Variants in SPOCK1 observed in about 807,000 individuals in gnomAD.
SPOCK1 encodes the protein testican-1.
A neutral mutation model predicts 55.3 loss-of-function variants in SPOCK1; 23 were observed. The observed-to-expected ratio is 0.42, with a 90% CI of 0.30 to 0.59. The LOEUF is 0.59. Ranked by LOEUF, SPOCK1 falls within the 20% of genes least tolerant of loss-of-function variation. SPOCK1 has a pLI of 0.22. For synonymous variants in SPOCK1, 226 were observed against 221.0 expected (o/e 1.02, Z -0.20); for missense variants, 499 against 552.5 (o/e 0.90, Z 0.97).
chr5:137,107,154 C>T (rs893120926), intron 5 of SPOCK1, among the ~76,000 whole-genome samples: 1 of 152,208 alleles, frequency 6.6e-6, no homozygotes, highest in African/African-American at 2.4e-5. Context: ...CGAAAGGAGA[C>T]TGCTTTTCAA....
At chr5:137,039,400 G>A (rs181403293) in intron 6 of SPOCK1, among the ~76,000 whole-genome samples, 28 of 150,920 alleles carry the variant, frequency 1.9e-4, no homozygotes, top group Non-Finnish European at 4.4e-5. Flanking sequence ...TGATCCTTGA[G>A]GACCTCAATG....
intron 2 of SPOCK1, among the ~76,000 whole-genome samples, chr5:137,271,574 G>A (rs1471333190): frequency 2.9e-5 from 3 of 102,128 alleles, no homozygotes; most frequent in African/African-American, 4.3e-5. Flanking sequence ...GATGATCATA[G>A]CCAACAGCCC....
At chr5:137,381,722 G>A (rs894183112) in intron 2 of SPOCK1, among the ~76,000 whole-genome samples, 2 of 152,332 alleles carry the variant, frequency 1.3e-5, no homozygotes, top group Non-Finnish European at 1.5e-5. Context: ...GCTGGGCCCT[G>A]GGCCTGGCCC....
chr5:137,285,323 A>G lies in SPOCK1; in HGVS notation c.187-18268T>C, dbSNP rs911477605. The stretch of plus-strand genomic sequence containing the variant: ...CACATGCTCAACCACAGCAGCACAG[A>G]TCTTTTGTGTTATTAACATTGTCTC... On this transcript the variant is annotated intron_variant, in intron 2 of 10. Transcript: ENST00000394945. Among the ~76,000 whole-genome samples, 6 of 152,202 alleles carry G rather than the reference A, an allele frequency of 3.9e-5. No individual in the cohort carries two copies. The South Asian group carries it at 1.2e-3, about 32-fold the overall frequency.
chr5:137,413,909 C>G (rs1378122679), intron 2 of SPOCK1, among the ~76,000 whole-genome samples: 1 of 152,084 alleles, frequency 6.6e-6, no homozygotes. Context: ...TTTCCTCAGC[C>G]CCACACGCAC....
At chr5:137,281,108 T>C (rs1404270594) in intron 2 of SPOCK1, among the ~76,000 whole-genome samples, 1 of 152,242 alleles carries the variant, frequency 6.6e-6, no homozygotes. Flanking sequence ...CTTAAATTCA[T>C]ATATTATCTA....
At chr5:137,423,279 G>A (rs7724781) in intron 2 of SPOCK1, among the ~76,000 whole-genome samples, 3 of 152,166 alleles carry the variant, frequency 2.0e-5, no homozygotes, top group Non-Finnish European at 4.4e-5. Flanking sequence ...ATCTCCAGCT[G>A]CATTCTGGGA....
intron 3 of SPOCK1, among the ~76,000 whole-genome samples, chr5:137,149,056 A>G (rs1001557622): frequency 6.6e-6 from 1 of 152,336 alleles, no homozygotes; most frequent in East Asian, 1.9e-4. Flanking sequence ...ATAAGCTTGT[A>G]TTACTTTTAT....
chr5:137,293,703 G>A (rs1353277599), intron 2 of SPOCK1, among the ~76,000 whole-genome samples: 3 of 152,190 alleles, frequency 2.0e-5, no homozygotes, highest in Non-Finnish European at 2.9e-5. Flanking sequence ...CTTGCTGTAG[G>A]GCAGCGCCAT....
At chr5:137,338,024 T>TTTA (rs373236089) in intron 2 of SPOCK1, among the ~76,000 whole-genome samples, 57 of 152,214 alleles carry the variant, frequency 3.7e-4, no homozygotes, top group African/African-American at 1.2e-3. Context: ...GTATTATTTT[T>TTTA]TTATTATTAT....
chr5:137,323,866 T>C (rs532944899), intron 2 of SPOCK1, among the ~76,000 whole-genome samples: 2 of 152,254 alleles, frequency 1.3e-5, no homozygotes, highest in South Asian at 2.1e-4. Flanking sequence ...ATCTCTCACA[T>C]ATTATCAGAT....
chr5:136,975,615 C>T lies in SPOCK1; in HGVS notation c.*3039G>A, dbSNP rs540115018. On this transcript the variant is annotated 3_prime_UTR_variant, in exon 11 of 11. Transcript: ENST00000394945. ...TGGGCTCTTGGATGTTACTGTACAG[C>T]GTGGTCAAGGTAACAAGAAGAAAAA... The T allele has an allele frequency of 1.3e-5, 2 of 152,002 alleles. No individual in the cohort carries two copies. The highest frequency in any genetic ancestry group is 6.6e-5 in the Admixed American group (1 of 15,252). The allele number at this position is 152,002 out of a possible 1,614,324, so 9.4% of individuals were successfully genotyped here.
intron 3 of SPOCK1, among the ~76,000 whole-genome samples, chr5:137,143,723 T>C (rs531673240): frequency 1.7e-4 from 26 of 152,310 alleles, no homozygotes; most frequent in African/African-American, 5.5e-4. Context: ...CAAAGAACCA[T>C]AGTTAACACT....
At chr5:137,355,876 G>T (rs531381135) in intron 2 of SPOCK1, among the ~76,000 whole-genome samples, 3 of 152,242 alleles carry the variant, frequency 2.0e-5, no homozygotes, top group African/African-American at 7.2e-5. Flanking sequence ...GCTGAACACC[G>T]CAGGCCCAGT....
At chr5:137,009,021 C>CA (rs1178133671) in intron 6 of SPOCK1, among the ~76,000 whole-genome samples, 3 of 152,114 alleles carry the variant, frequency 2.0e-5, no homozygotes, top group African/African-American at 7.2e-5. Context: ...GGAAAAATAA[C>CA]AGAGATGATA....
chr5:137,462,409 G>A lies in SPOCK1; in HGVS notation c.186+35964C>T, dbSNP rs1023842526. 3.3e-5 allele frequency among the ~76,000 whole-genome samples: 5 copies of A among 152,124 alleles called. No individual in the cohort carries two copies. The East Asian group carries it at 5.8e-4, about 18-fold the overall frequency. ...CAGACAAGGCCATGGCTCACACTCCGAGGTGAGAAAGGTTTCCAAGGTCAG... is the reference window on the plus strand; with the variant it reads ...CAGACAAGGCCATGGCTCACACTCCAAGGTGAGAAAGGTTTCCAAGGTCAG... On this transcript the variant is annotated intron_variant, in intron 2 of 10. Coordinates refer to ENST00000394945, the MANE Select transcript of SPOCK1 (RefSeq NM_004598.4).
intron 2 of SPOCK1, among the ~76,000 whole-genome samples, chr5:137,496,649 A>G (rs979947492): frequency 1.3e-5 from 2 of 152,192 alleles, no homozygotes; most frequent in Non-Finnish European, 2.9e-5. Flanking sequence ...AAACAAAACA[A>G]AAAGCAAAAT....
intron 6 of SPOCK1, among the ~76,000 whole-genome samples, chr5:137,014,033 G>A (rs1751402162): frequency 6.6e-6 from 1 of 152,160 alleles, no homozygotes; most frequent in African/African-American, 2.4e-5. Context: ...CCCCAGTGCT[G>A]ACAATGGGGT....
At position 137,347,340 on chromosome 5, in the gene SPOCK1, C is replaced by T. The variant is rs555444442; in HGVS notation, c.187-80285G>A. On this transcript the variant is annotated intron_variant, in intron 2 of 10. Transcript: ENST00000394945. Reference sequence around the variant, plus strand: ...CTCTAACAGGGTGTAATTTCTCACGCGTCAGAGTTTAAGCACACTGCCTGG... The same window carrying T: ...CTCTAACAGGGTGTAATTTCTCACGTGTCAGAGTTTAAGCACACTGCCTGG... Among the ~76,000 whole-genome samples the T allele has an allele frequency of 4.7e-4, 72 of 152,278 alleles. No homozygotes were observed. In the South Asian group the frequency reaches 9.7e-3, roughly 21 times the overall value.
Sources: gnomAD v4.1 joint callset for allele counts (sites outside exome capture counted in the v4.1 genomes callset) on GRCh38, gnomAD v4.1.1 for gene constraint, MANE v1.5 for transcripts, NCBI Gene and HGNC (gene_info 2026-07-23, HGNC 2026-07-21) for gene names.